Variants in GABRB3 observed in about 807,000 individuals in gnomAD.
GABRB3 encodes the protein gamma-aminobutyric acid receptor subunit beta-3.
In GABRB3, 14 loss-of-function variants were observed where a neutral mutation model predicts 52.1. The observed-to-expected ratio is 0.27, with a 90% CI of 0.18 to 0.42. The LOEUF (loss-of-function observed/expected upper bound fraction) is 0.42. GABRB3 is among the 10% of genes least tolerant of loss of function. GABRB3 has a pLI of 1.00. For missense variants in GABRB3, 307 were observed against 609.1 expected (o/e 0.50, Z 5.22); for synonymous variants, 260 against 232.3 (o/e 1.12, Z -1.08).
intron 4 of GABRB3, among the ~76,000 whole-genome samples, chr15:26,605,806 TAGTC>T (rs1163713161): frequency 6.6e-6 from 1 of 152,114 alleles, no homozygotes; most frequent in African/African-American, 2.4e-5. Context: ...GGTGGTGTAT[TAGTC>T]AGTTCTTGCA....
At chr15:26,752,510 G>A (rs762099123) in intron 3 of GABRB3, among the ~76,000 whole-genome samples, 9 of 152,016 alleles carry the variant, frequency 5.9e-5, no homozygotes, top group Non-Finnish European at 8.8e-5. Flanking sequence ...TGATCCACTC[G>A]CCTTAGCCTC....
intron 6 of GABRB3, among the ~76,000 whole-genome samples, chr15:26,577,879 T>G (rs1452344997): frequency 6.6e-6 from 1 of 152,178 alleles, no homozygotes; most frequent in African/African-American, 2.4e-5. Flanking sequence ...CTCAAACTCC[T>G]GGGTTCAAGC....
At chr15:26,769,862 T>C (rs1400902394) in intron 3 of GABRB3, among the ~76,000 whole-genome samples, 1 of 152,184 alleles carries the variant, frequency 6.6e-6, no homozygotes, top group Non-Finnish European at 1.5e-5. Flanking sequence ...ATATCTGCTC[T>C]AAGAGTTACA....
intron 3 of GABRB3, among the ~76,000 whole-genome samples, chr15:26,736,966 A>G (rs1348734744): frequency 6.6e-6 from 1 of 152,218 alleles, no homozygotes; most frequent in Admixed American, 6.5e-5. Flanking sequence ...GGCAGCTGGC[A>G]AAGCACAGCC....
chr15:26,547,476 GA>G lies in GABRB3; in HGVS notation c.*316del, dbSNP rs982343878. 98 of 487,216 alleles carry G rather than the reference GA, an allele frequency of 2.0e-4. No individual in the cohort carries two copies. The highest frequency in any genetic ancestry group is 1.5e-3 in the African/African-American group (77 of 51,278). The allele number at this position is 487,216 out of a possible 1,614,324, so 30.2% of individuals were successfully genotyped here. A position where few individuals can be genotyped will look rare whatever the true frequency, so the allele number is the denominator to read the frequency against. On this transcript the variant is annotated 3_prime_UTR_variant, in exon 9 of 9. Coordinates refer to ENST00000311550, the MANE Select transcript of GABRB3 (RefSeq NM_000814.6). The stretch of plus-strand genomic sequence containing the variant: ...ATACTTGTCCCTTTCAATTAAAAAA[GA>G]AAAAAACTATGACTTTCTTTAATAT...
chr15:26,622,370 T>C (rs1892516318), intron 3 of GABRB3, among the ~76,000 whole-genome samples: 2 of 133,796 alleles, frequency 1.5e-5, no homozygotes, highest in African/African-American at 2.6e-5. Flanking sequence ...GAAATTCTCT[T>C]TTTGTTGGGG....
chr15:26,773,128 G>A, upstream of GABRB3: 1 of 599,092 alleles, frequency 1.7e-6, no homozygotes, highest in South Asian at 7.1e-5. Flanking sequence ...CGCTGGGAGA[G>A]GAAGGAGGAG....
intron 3 of GABRB3, among the ~76,000 whole-genome samples, chr15:26,718,358 C>G (rs937837706): frequency 6.6e-6 from 1 of 152,068 alleles, no homozygotes; most frequent in Non-Finnish European, 1.5e-5. Context: ...TATAGGCATG[C>G]GCCACCAAGC....
intron 3 of GABRB3, chr15:26,629,328 C>T: frequency 1.6e-6 from 1 of 611,220 alleles, no homozygotes; most frequent in Non-Finnish European, 2.6e-6. Context: ...AGCTCAGGAG[C>T]CTGGCGGGCA....
intron 4 of GABRB3, among the ~76,000 whole-genome samples, chr15:26,601,894 G>A (rs867446601): frequency 2.6e-5 from 4 of 152,152 alleles, no homozygotes; most frequent in Non-Finnish European, 5.9e-5. Flanking sequence ...AATGGCAAGA[G>A]TAAGTCCATA....
intron 3 of GABRB3, among the ~76,000 whole-genome samples, chr15:26,757,622 A>G (rs1799886356): frequency 6.6e-6 from 1 of 152,216 alleles, no homozygotes; most frequent in Non-Finnish European, 1.5e-5. Context: ...AAGGAAAGAG[A>G]CAGTACAAGA....
chr15:26,641,878 C>T (rs1021639515), intron 3 of GABRB3, among the ~76,000 whole-genome samples: 2 of 151,814 alleles, frequency 1.3e-5, no homozygotes, highest in Admixed American at 6.6e-5. Context: ...GATTGTTTTA[C>T]TTTTTCTTCT....
intron 3 of GABRB3, among the ~76,000 whole-genome samples, chr15:26,746,582 G>GGT (rs1555381597): frequency 2.0e-4 from 25 of 126,010 alleles, no homozygotes; most frequent in African/African-American, 5.5e-4. Flanking sequence ...TCCGTTTTTT[G>GGT]TTTTTTTTTT....
chr15:26,555,537 A>G (rs960974659), intron 8 of GABRB3, among the ~76,000 whole-genome samples: 2 of 152,176 alleles, frequency 1.3e-5, no homozygotes, highest in Non-Finnish European at 2.9e-5. Context: ...AGTGAAGGAA[A>G]CTTAGACTGA....
rs184780172 is a variant in GABRB3, at chr15:26,748,479, T to G, written c.240+23923A>C. On this transcript the variant is annotated intron_variant, in intron 3 of 8. Transcript: ENST00000311550. ...TTTTAAGGAATTGGTCTATTTTTTC[T>G]GAAGTGTTGAATTTATATGTATAAA... 3.9e-5 allele frequency among the ~76,000 whole-genome samples: 6 copies of G among 152,324 alleles called. 1 individual carries two copies. The East Asian group carries it at 9.7e-4, about 25-fold the overall frequency.
At chr15:26,769,465 C>G (rs1048963843) in intron 3 of GABRB3, among the ~76,000 whole-genome samples, 1 of 152,146 alleles carries the variant, frequency 6.6e-6, no homozygotes, top group Non-Finnish European at 1.5e-5. Flanking sequence ...CATTTATAGG[C>G]TCCTTATTTC....
At chr15:26,725,141 A>G (rs1889737996) in intron 3 of GABRB3, among the ~76,000 whole-genome samples, 2 of 152,200 alleles carry the variant, frequency 1.3e-5, no homozygotes, top group African/African-American at 4.8e-5. Flanking sequence ...AGGTATCTGT[A>G]GAATGAATTG....
At chr15:26,673,118 G>A (rs900117817) in intron 3 of GABRB3, among the ~76,000 whole-genome samples, 10 of 152,108 alleles carry the variant, frequency 6.6e-5, no homozygotes, top group Admixed American at 1.3e-4. Flanking sequence ...CAAACAAGCC[G>A]GGCACAGAAA....
intron 7 of GABRB3, among the ~76,000 whole-genome samples, chr15:26,565,780 T>C (rs2140691335): frequency 6.6e-6 from 1 of 152,290 alleles, no homozygotes; most frequent in East Asian, 1.9e-4. Context: ...CATGGTTCCT[T>C]GGTACTCATA....
Sources: allele counts gnomAD v4.1 joint callset (sites outside exome capture counted in the v4.1 genomes callset), GRCh38; gene constraint gnomAD v4.1.1; transcripts MANE v1.5; gene names NCBI Gene and HGNC (gene_info 2026-07-23, HGNC 2026-07-21).